Variants in DNAH14 observed in about 807,000 individuals in gnomAD.
The protein encoded by DNAH14 is axonemal beta dynein heavy chain 14.
DNAH14 carries 478 observed loss-of-function variants against 520.9 expected under a neutral mutation model. The ratio of observed to expected loss-of-function variants is 0.92; its 90% CI spans 0.85 to 0.99. The LOEUF (loss-of-function observed/expected upper bound fraction) is 0.99, where lower values mean the gene tolerates loss of function less well. DNAH14 is among the 50% of genes least tolerant of loss of function. The pLI, the probability that DNAH14 is intolerant of heterozygous loss-of-function variation, is 0.00. For synonymous variants in DNAH14, 1,581 were observed against 1,757.2 expected, an observed-to-expected ratio of 0.90 and a Z score of 2.51; for missense variants, 4,831 against 5,234.5, an observed-to-expected ratio of 0.92 and a Z score of 2.38.
chr1:225,034,798 T>G lies in DNAH14; in HGVS notation c.1359-3896T>G, dbSNP rs961625263. Reference sequence around the variant, plus strand: ...GAATCAATTTCTTCCTGGCTCAGTCTTGTGAGGGCGTATGTGTCTAAGAAT... The same window carrying G: ...GAATCAATTTCTTCCTGGCTCAGTCGTGTGAGGGCGTATGTGTCTAAGAAT... On this transcript the variant is annotated intron_variant, in intron 11 of 85. Coordinates refer to ENST00000682510, the MANE Select transcript of DNAH14 (RefSeq NM_001367479.1). Among the ~76,000 whole-genome samples the G allele has an allele frequency of 2.0e-5, 3 of 152,146 alleles. No individual in the cohort carries two copies. The South Asian group carries it at 6.2e-4, about 32-fold the overall frequency.
Position 225,340,453 on chromosome 1 carries a change from T to G in DNAH14, c.10434-4T>G, listed in dbSNP as rs1180735753. On this transcript the variant is annotated splice_polypyrimidine_tract_variant and splice_region_variant and intron_variant, in intron 68 of 85. Coordinates refer to ENST00000682510, the MANE Select transcript of DNAH14 (RefSeq NM_001367479.1). ...TGAATAACTGGTGCCTTTCTCATGT[T>G]CAGGTTATACTTATCTACAGAAATA... 6.5e-7 allele frequency: 1 copy of G among 1,529,732 alleles called. No individual in the cohort carries two copies. The allele number at this position is 1,529,732 out of a possible 1,614,324, so 94.8% of individuals were successfully genotyped here. A position where few individuals can be genotyped will look rare whatever the true frequency, so the allele number is the denominator to read the frequency against.
intron 7 of DNAH14, 98 bp from the exon 8 acceptor site, chr1:224,973,993 C>A: frequency 1.4e-6 from 1 of 708,096 alleles, no homozygotes; most frequent in Non-Finnish European, 2.0e-6. Flanking sequence ...GAAATATGTT[C>A]TAGAGAATAT....
intron 17 of DNAH14, among the ~76,000 whole-genome samples, chr1:225,057,799 G>T (rs2069347329): frequency 2.0e-5 from 3 of 152,140 alleles, no homozygotes; most frequent in South Asian, 4.2e-4. Flanking sequence ...TATGGTTTTT[G>T]TCGTTGGTTC....
chr1:225,240,908 C>A, intron 43 of DNAH14, 86 bp downstream of exon 43: 1 of 1,000,546 alleles, frequency 1.0e-6, no homozygotes, highest in Non-Finnish European at 1.4e-6. Flanking sequence ...TTAGGTTCAT[C>A]TTTTAAAATG....
intron 1 of DNAH14, among the ~76,000 whole-genome samples, chr1:224,936,286 G>C (rs989327847): frequency 5.9e-5 from 9 of 151,398 alleles, no homozygotes; most frequent in African/African-American, 1.9e-4. Context: ...CATTTGAAAA[G>C]AAACAAAATT....
At chr1:225,301,861 G>A (rs2094145176) in intron 56 of DNAH14, among the ~76,000 whole-genome samples, 1 of 151,986 alleles carries the variant, frequency 6.6e-6, no homozygotes, top group Non-Finnish European at 1.5e-5. Flanking sequence ...AAGATAATAT[G>A]AGTGGATATC....
At chr1:225,103,822 C>T (rs1235213187) in intron 23 of DNAH14, among the ~76,000 whole-genome samples, 1 of 152,182 alleles carries the variant, frequency 6.6e-6, no homozygotes, top group Non-Finnish European at 1.5e-5. Context: ...GATATACAAT[C>T]ATGTCATCTG....
At chr1:225,352,660 C>A (rs2095381395) in intron 72 of DNAH14, among the ~76,000 whole-genome samples, 1 of 151,858 alleles carries the variant, frequency 6.6e-6, no homozygotes, top group South Asian at 2.1e-4. Context: ...AGTTTAAACT[C>A]CCATTAGTGT....
At chr1:224,976,959 A>G (rs1433657852) in intron 8 of DNAH14, among the ~76,000 whole-genome samples, 12 of 151,362 alleles carry the variant, frequency 7.9e-5, no homozygotes, top group African/African-American at 2.9e-4. Flanking sequence ...AACTAGAAAT[A>G]CCATTTGACC....
chr1:225,100,781 T>C lies in DNAH14; in HGVS notation c.3764T>C (p.Ile1255Thr). The change falls in exon 23 of 86, where the codon ATA becomes ACA. Residue 1255 changes from isoleucine to threonine, a missense_variant. By Grantham distance (89) the Ile-to-Thr change is moderately conservative. Transcript: ENST00000682510. Reference protein sequence around the residue: ...ISMWKKIMSKIQNKQNALQIT... With the variant: ...ISMWKKIMSKTQNKQNALQIT... ...ATGTGGAAAAAAATAATGTCAAAAATACAAAACAAACAGAATGCTTTGCAG... is the reference window on the plus strand; with the variant it reads ...ATGTGGAAAAAAATAATGTCAAAAACACAAAACAAACAGAATGCTTTGCAG... 26 of 1,540,224 alleles carry C rather than the reference T, an allele frequency of 1.7e-5. No individual in the cohort carries two copies. The highest frequency in any genetic ancestry group is 2.3e-5 in the Non-Finnish European group (26 of 1,143,684).
At chr1:225,183,416 A>T (rs2084278783) in intron 36 of DNAH14, among the ~76,000 whole-genome samples, 1 of 152,250 alleles carries the variant, frequency 6.6e-6, no homozygotes, top group African/African-American at 2.4e-5. Context: ...CAAAAACAGT[A>T]TTAAGAGGAA....
intron 37 of DNAH14, among the ~76,000 whole-genome samples, chr1:225,191,337 G>A (rs116774632): frequency 0.011 from 1,635 of 152,032 alleles, 20 homozygotes; most frequent in Non-Finnish European, 0.016. Context: ...TGGTTTTGCT[G>A]CATATAGAAT....
At chr1:225,108,326 C>T (rs1309346611) in intron 23 of DNAH14, among the ~76,000 whole-genome samples, 1 of 152,174 alleles carries the variant, frequency 6.6e-6, no homozygotes, top group Non-Finnish European at 1.5e-5. Context: ...GGGACTCTAA[C>T]TGGCTTCCTT....
chr1:225,152,165 T>A, intron 32 of DNAH14, 92 bp downstream of exon 32: 1 of 1,084,736 alleles, frequency 9.2e-7, no homozygotes, highest in Non-Finnish European at 1.3e-6. Context: ...CATTTGCATC[T>A]ATCCATATAT....
intron 55 of DNAH14, among the ~76,000 whole-genome samples, chr1:225,298,189 G>T (rs906976520): frequency 1.3e-5 from 2 of 152,052 alleles, no homozygotes; most frequent in East Asian, 3.9e-4. Flanking sequence ...GCTAGCCTGG[G>T]GGTATGTCTT....
At position 225,007,682 on chromosome 1, in the gene DNAH14, A is replaced by G. The variant is rs966089154; in HGVS notation, c.1107+138A>G. On this transcript the variant is annotated intron_variant, in intron 10 of 85. Coordinates refer to ENST00000682510, the MANE Select transcript of DNAH14 (RefSeq NM_001367479.1). The stretch of plus-strand genomic sequence containing the variant: ...GTGGTTAATTAACCAACTAACTGGT[A>G]CTATGTATTTACTATATACAAGAAT... 5.6e-6 allele frequency: 3 copies of G among 537,574 alleles called. No homozygotes were observed. The African/African-American group carries it at 5.9e-5, about 11-fold the overall frequency. 33.3% of individuals were successfully genotyped at this position (537,574 alleles called of 1,614,324 possible).
rs2095288609 is a variant in DNAH14 at position 225,346,528 on chromosome 1, A to T, written c.11170A>T (p.Asn3724Tyr). The T allele has an allele frequency of 6.4e-7, 1 of 1,551,392 alleles. No individual in the cohort carries two copies. Among genetic ancestry groups the T allele is most frequent in the Non-Finnish European group, 8.7e-7 (1 of 1,146,812 alleles). ...TCGGCTTTGCACTGTAATCATGCAA[A>T]ACAATGCTAATGGAAATCTAATACA... is the stretch of plus-strand genomic sequence containing the variant. ...SFRLCTVIMQ[N>Y]NANGNLIQDD... is the part of the protein sequence containing the mutation. The change falls in exon 71 of 86, where the codon AAC (asparagine) becomes TAC (tyrosine). Residue 3724 changes from asparagine to tyrosine, a missense_variant. Coordinates refer to ENST00000682510, the MANE Select transcript of DNAH14 (RefSeq NM_001367479.1).
At chr1:225,053,409 G>A (rs1191960755) in intron 17 of DNAH14, among the ~76,000 whole-genome samples, 1 of 152,168 alleles carries the variant, frequency 6.6e-6, no homozygotes, top group Admixed American at 6.5e-5. Context: ...GCCATGTCAG[G>A]GACTTGGAAC....
chr1:225,328,467 AT>A (rs1282646857), intron 64 of DNAH14, among the ~76,000 whole-genome samples: 2 of 152,100 alleles, frequency 1.3e-5, no homozygotes, highest in Non-Finnish European at 2.9e-5. Context: ...TAAAATGTAT[AT>A]TTTTTACGCT....
Sources: allele counts gnomAD v4.1 joint callset (sites outside exome capture counted in the v4.1 genomes callset), GRCh38; gene constraint gnomAD v4.1.1; transcripts MANE v1.5; gene names NCBI Gene and HGNC (gene_info 2026-07-23, HGNC 2026-07-21).